TDP1: variants seen among roughly 807,000 people sequenced by gnomAD.
TDP1 encodes tyr-DNA phosphodiesterase 1.
Under a neutral mutation model 81.5 loss-of-function variants are expected in TDP1, and 64 were observed. The ratio of observed to expected loss-of-function variants is 0.79; its 90% CI spans 0.64 to 0.97. TDP1 has a LOEUF of 0.97. Ranked by LOEUF, TDP1 falls within the 50% of genes least tolerant of loss-of-function variation. The pLI is 0.00. For missense variants in TDP1, 723 were observed against 743.8 expected (o/e 0.97, Z 0.33); for synonymous variants, 256 against 264.3 (o/e 0.97, Z 0.30).
rs1370297713 is a variant in TDP1, at chr14:90,043,266, A to G, written c.*123A>G. The G allele has an allele frequency of 5.1e-6, 6 of 1,186,818 alleles. No individual in the cohort carries two copies. The highest frequency in any genetic ancestry group is 1.9e-5 in the Admixed American group (1 of 51,400). The allele number at this position is 1,186,818 out of a possible 1,614,324, so 73.5% of individuals were successfully genotyped here. On this transcript the variant is annotated 3_prime_UTR_variant, in exon 17 of 17. Coordinates refer to ENST00000335725, the MANE Select transcript of TDP1 (RefSeq NM_018319.4). ...TTGCACCCTTACAAAATCTTTCCAA[A>G]GGTCACTCTTATGAATGGATGTTGG...
chr14:90,043,398 G>T lies in TDP1; in HGVS notation c.*255G>T, dbSNP rs755173721. 11 of 562,794 alleles carry T rather than the reference G, an allele frequency of 2.0e-5. No homozygotes were observed. The East Asian group carries it at 2.4e-4, about 12-fold the overall frequency. 34.9% of individuals were successfully genotyped at this position (562,794 alleles called of 1,614,324 possible). A position where few individuals can be genotyped will look rare whatever the true frequency, so the allele number is the denominator to read the frequency against. Reference sequence around the variant, plus strand: ...GTGAACTTCTCTATGTTAAAAATACGTACTGCTTGAGTATCCCCTGTCTGA... The same window carrying T: ...GTGAACTTCTCTATGTTAAAAATACTTACTGCTTGAGTATCCCCTGTCTGA... On this transcript the variant is annotated 3_prime_UTR_variant, in exon 17 of 17. Coordinates refer to ENST00000335725, the MANE Select transcript of TDP1 (RefSeq NM_018319.4).
In TDP1 at chr14:89,956,599, T is replaced by G. The variant is rs1891672703; in HGVS notation, c.-209T>G. 1 of 152,318 alleles carries G rather than the reference T, an allele frequency of 6.6e-6. No homozygotes were observed. The highest frequency in any genetic ancestry group is 6.5e-5 in the Admixed American group (1 of 15,288). The allele number at this position is 152,318 out of a possible 1,614,324, so 9.4% of individuals were successfully genotyped here. A position where few individuals can be genotyped will look rare whatever the true frequency, so the allele number is the denominator to read the frequency against. ...GCAGAGTTGGAGCACACAGCTGTAT[T>G]AAAAAGGCAAATCGAAGGCCGGGCG... On this transcript the variant is annotated 5_prime_UTR_variant, in exon 2 of 17. The change creates a new upstream start codon in the 5' untranslated region. Coordinates refer to ENST00000335725, the MANE Select transcript of TDP1 (RefSeq NM_018319.4).
At chr14:90,016,421 CCTT>C (rs1165453343) in intron 14 of TDP1, among the ~76,000 whole-genome samples, 2 of 152,248 alleles carry the variant, frequency 1.3e-5, no homozygotes, top group Middle Eastern at 3.4e-3. Context: ...CCCAAGTCCT[CCTT>C]CAGCTTTTCT....
At chr14:89,965,497 T>TGTTAGTGCTG (rs1892833744) in intron 3 of TDP1, among the ~76,000 whole-genome samples, 1 of 152,190 alleles carries the variant, frequency 6.6e-6, no homozygotes, top group South Asian at 2.1e-4. Context: ...CTAACAGGTC[T>TGTTAGTGCTG]CCACAGATGT....
intron 16 of TDP1, among the ~76,000 whole-genome samples, chr14:90,040,108 T>C (rs781703102): frequency 7.9e-5 from 12 of 152,200 alleles, no homozygotes; most frequent in Non-Finnish European, 1.8e-4. Flanking sequence ...GCTGTCATTT[T>C]CATCCTTCCA....
chr14:90,011,593 G>A (rs1884713363), intron 14 of TDP1, among the ~76,000 whole-genome samples: 1 of 152,196 alleles, frequency 6.6e-6, no homozygotes, highest in African/African-American at 2.4e-5. Context: ...CTGGGGCATA[G>A]GGGACTCTTC....
In TDP1 at chr14:89,967,365, A is replaced by G; in HGVS notation, c.604-2A>G. On this transcript the variant is annotated splice_acceptor_variant, in intron 4 of 16. Transcript: ENST00000335725. LOFTEE classifies it high-confidence loss of function. ...TAGTTACTCTTCTTTTCTCCCATCT[A>G]GTTTAACTACTGCTTTGACGTGGAC... 2 of 1,613,898 alleles carry G rather than the reference A, an allele frequency of 1.2e-6. No homozygotes were observed. The highest frequency in any genetic ancestry group is 2.2e-5 in the South Asian group (2 of 91,076).
intron 12 of TDP1, 147 bp from the exon 13 acceptor site, chr14:89,991,770 T>C: frequency 8.3e-7 from 1 of 1,206,710 alleles, no homozygotes; most frequent in South Asian, 1.7e-5. Context: ...ATAGACATTT[T>C]CTTTCAAATA....
Position 89,981,785 on chromosome 14 carries a change from A to T in TDP1, c.884+1153A>T, listed in dbSNP as rs1044336441. On this transcript the variant is annotated intron_variant, in intron 8 of 16. Coordinates refer to ENST00000335725, the MANE Select transcript of TDP1 (RefSeq NM_018319.4). ...ACTTTAACCTCAACCTCCTGGGCTC[A>T]GGTGATCCTCCCACCTCAGCCTTCT... is the stretch of plus-strand genomic sequence containing the variant. 1.5e-4 allele frequency among the ~76,000 whole-genome samples: 23 copies of T among 152,120 alleles called. 1 individual carries two copies. Among genetic ancestry groups the T allele is most frequent in the African/African-American group, 5.3e-4 (22 of 41,416 alleles).
intron 5 of TDP1, 90 bp downstream of exon 5, chr14:89,967,512 C>A: frequency 8.8e-7 from 1 of 1,139,942 alleles, no homozygotes; most frequent in Non-Finnish European, 1.3e-6. Context: ...AGCCACTCAT[C>A]TTTTGAGTTT....
chr14:90,016,764 T>C (rs941303354), intron 14 of TDP1, among the ~76,000 whole-genome samples: 18 of 152,114 alleles, frequency 1.2e-4, no homozygotes, highest in African/African-American at 4.1e-4. Context: ...CCTAGTTATG[T>C]TTCTGTGATT....
At position 89,977,975 on chromosome 14, in the gene TDP1, G is replaced by A. The variant is rs73324585; in HGVS notation, c.791+2160G>A. ...GTTAATTCTTATGGCTCCAAGAATC[G>A]ATAGAGGGGAAAGAGAAAGCCAAAG... is the stretch of plus-strand genomic sequence containing the variant. On this transcript the variant is annotated intron_variant, in intron 7 of 16. Transcript: ENST00000335725. 3.8e-3 allele frequency among the ~76,000 whole-genome samples: 586 copies of A among 152,306 alleles called. 2 individuals carry two copies. Among genetic ancestry groups the A allele is most frequent in the African/African-American group, 0.014 (565 of 41,558 alleles).
At position 90,043,919 on chromosome 14, in the gene TDP1, TGCCCTCTCTCAGCTTTCTGA is replaced by T; in HGVS notation, c.*778_*797del. 6.6e-6 allele frequency: 1 copy of T among 152,430 alleles called. No homozygotes were observed. The highest frequency in any genetic ancestry group is 1.9e-4 in the East Asian group (1 of 5,186). 9.4% of individuals were successfully genotyped at this position (152,430 alleles called of 1,614,324 possible). ...ACACGATCATTTCCTTTTTCACCGATGCCCTCTCTCAGCTTTCTGAGTACGTCTCTTGGGGTCGCTGGAGG... is the reference window on the plus strand; with the variant it reads ...ACACGATCATTTCCTTTTTCACCGATGTACGTCTCTTGGGGTCGCTGGAGG... On this transcript the variant is annotated 3_prime_UTR_variant, in exon 17 of 17. Coordinates refer to ENST00000335725, the MANE Select transcript of TDP1 (RefSeq NM_018319.4).
intron 15 of TDP1, among the ~76,000 whole-genome samples, chr14:90,031,128 T>C (rs921884031): frequency 1.3e-5 from 2 of 150,860 alleles, no homozygotes; most frequent in Non-Finnish European, 1.5e-5. Flanking sequence ...ATTATTATAC[T>C]TTAAGTTTTA....
At position 89,996,241 on chromosome 14, in the gene TDP1, G is replaced by A. The variant is rs78170269; in HGVS notation, c.1541+2758G>A. 4.0e-3 allele frequency among the ~76,000 whole-genome samples: 612 copies of A among 152,060 alleles called. 6 individuals carry two copies. Among genetic ancestry groups the A allele is most frequent in the African/African-American group, 0.014 (576 of 41,480 alleles). On this transcript the variant is annotated intron_variant, in intron 14 of 16. Transcript: ENST00000335725. ...TTGTTCCATGTTCAGAATTCCCCAC[G>A]TCCTGTAGGCTAAAGTACAGATTCC...
intron 14 of TDP1, among the ~76,000 whole-genome samples, chr14:90,005,289 C>T (rs543901399): frequency 6.6e-6 from 1 of 152,268 alleles, no homozygotes; most frequent in East Asian, 1.9e-4. Context: ...CTGGAAACCC[C>T]TTTCAGAAGC....
chr14:90,019,203 G>T, intron 14 of TDP1, 113 bp from the exon 15 acceptor site: 1 of 1,298,606 alleles, frequency 7.7e-7, no homozygotes, highest in Non-Finnish European at 1.1e-6. Flanking sequence ...GAAAATGAAT[G>T]AATGTGATTG....
At chr14:90,010,256 C>T (rs762724334) in intron 14 of TDP1, among the ~76,000 whole-genome samples, 75 of 152,296 alleles carry the variant, frequency 4.9e-4, no homozygotes, top group Middle Eastern at 3.4e-3. Context: ...CTTCCTTCCT[C>T]GCCCCAAAAT....
At chr14:89,984,979 G>T (rs895884738) in intron 9 of TDP1, 153 bp from the exon 10 acceptor site, 46 of 913,166 alleles carry the variant, frequency 5.0e-5, no homozygotes, top group Admixed American at 3.7e-4. Flanking sequence ...TAGTTGATTT[G>T]CTTGAAAATG....
Sources: gnomAD v4.1 joint callset for allele counts (sites outside exome capture counted in the v4.1 genomes callset) on GRCh38, gnomAD v4.1.1 for gene constraint, MANE v1.5 for transcripts, NCBI Gene and HGNC (gene_info 2026-07-23, HGNC 2026-07-21) for gene names.